The following PCDH11Y variants were observed in gnomAD, a reference collection of about 807,000 sequenced individuals.
The protein encoded by PCDH11Y is protocadherin-11 Y-linked.
For synonymous variants in PCDH11Y, 9 were observed against 83.6 expected (o/e 0.11, Z 4.87); for missense variants, 12 against 224.8 (o/e 0.05, Z 6.05).
chrY:5,011,769 T>G, intron 1 of PCDH11Y, among the ~76,000 whole-genome samples: 1 of 32,831 alleles, frequency 3.0e-5, no homozygotes, highest in Non-Finnish European at 7.4e-5. Context: ...TTTCTTTATG[T>G]GCAGCTCAGA....
At chrY:5,350,179 T>C in intron 2 of PCDH11Y, among the ~76,000 whole-genome samples, 1 of 33,345 alleles carries the variant, frequency 3.0e-5, no homozygotes, top group Non-Finnish European at 7.4e-5. Context: ...AGGATGTTAC[T>C]AATATTTATA....
At chrY:5,485,298 G>C (rs2053330706) in intron 2 of PCDH11Y, among the ~76,000 whole-genome samples, 2 of 33,248 alleles carry the variant, frequency 6.0e-5, no homozygotes, top group Non-Finnish European at 1.5e-4. Context: ...AAGATAATTA[G>C]ATTTGATCCT....
At chrY:5,333,694 G>C in intron 2 of PCDH11Y, among the ~76,000 whole-genome samples, 1 of 32,834 alleles carries the variant, frequency 3.0e-5, no homozygotes, top group Non-Finnish European at 7.4e-5. Context: ...CCTGAGACCA[G>C]CCTGGCTAAC....
intron 4 of PCDH11Y, among the ~76,000 whole-genome samples, chrY:5,701,559 G>C (rs2124712010): frequency 3.0e-5 from 1 of 33,021 alleles, no homozygotes; most frequent in South Asian, 7.0e-4. Flanking sequence ...TGAGGTTTTG[G>C]AACCTCCACC....
intron 3 of PCDH11Y, among the ~76,000 whole-genome samples, chrY:5,562,996 T>C: frequency 6.2e-5 from 2 of 32,279 alleles, no homozygotes; most frequent in Non-Finnish European, 1.5e-4. Context: ...TTTATAATAA[T>C]ATACAAAAAT....
rs1225681037 is a variant in PCDH11Y, at chrY:5,050,114, T to C, written c.33-6775T>C. ...GCAGTTGATAAACCAAGTCTTAAGA[T>C]TGGTTTTAAAAGGTTGCTATGTCAT... On this transcript the variant is annotated intron_variant, in intron 3 of 5. Transcript: ENST00000333703. 5.4e-4 allele frequency among the ~76,000 whole-genome samples: 18 copies of C among 33,272 alleles called. No homozygotes were observed. The East Asian group carries it at 0.012, about 22-fold the overall frequency. The allele number at this position is 33,272 out of a possible 37,273, so 89.3% of individuals were successfully genotyped here. A position where few individuals can be genotyped will look rare whatever the true frequency, so the allele number is the denominator to read the frequency against.
intron 2 of PCDH11Y, among the ~76,000 whole-genome samples, chrY:5,341,562 T>C: frequency 6.1e-5 from 2 of 32,854 alleles, no homozygotes; most frequent in African/African-American, 1.2e-4. Flanking sequence ...AACATGTTTT[T>C]CTATAAAATG....
At chrY:5,117,142 A>T in intron 2 of PCDH11Y, among the ~76,000 whole-genome samples, 1 of 32,732 alleles carries the variant, frequency 3.1e-5, no homozygotes, top group Non-Finnish European at 7.5e-5. Context: ...TTAATCCAAT[A>T]AGAGAAAAAA....
intron 2 of PCDH11Y, among the ~76,000 whole-genome samples, chrY:5,340,405 A>G: frequency 3.4e-4 from 10 of 29,603 alleles, no homozygotes; most frequent in African/African-American, 1.3e-3. Flanking sequence ...TCCTCTGGCA[A>G]CACCCTCACA....
chrY:5,632,011 A>G (rs2053512691), intron 4 of PCDH11Y, among the ~76,000 whole-genome samples: 2 of 33,068 alleles, frequency 6.0e-5, no homozygotes, highest in African/African-American at 1.2e-4. Context: ...ATTATTAGCT[A>G]TATGGTCATG....
At chrY:5,634,086 C>A (rs1602954650) in intron 4 of PCDH11Y, among the ~76,000 whole-genome samples, 1 of 27,885 alleles carries the variant, frequency 3.6e-5, no homozygotes, top group Non-Finnish European at 8.4e-5. Flanking sequence ...TCGTGGCGGG[C>A]GCCTGTAGTC....
Position 5,571,917 on chromosome Y carries a change from AC to A in PCDH11Y, c.3329-9855del, listed in dbSNP as rs2124696275. Among the ~76,000 whole-genome samples the A allele has an allele frequency of 2.0e-4, 6 of 29,550 alleles. No homozygotes were observed. In the East Asian group the frequency reaches 5.3e-3, roughly 26 times the overall value. The allele number at this position is 29,550 out of a possible 37,273, so 79.3% of individuals were successfully genotyped here. A position where few individuals can be genotyped will look rare whatever the true frequency, so the allele number is the denominator to read the frequency against. On this transcript the variant is annotated intron_variant, in intron 3 of 4. Coordinates refer to the PCDH11Y transcript ENST00000400457. ...CAACAAAATACTGTTAACTAGAGTCACCCTATTGTGCCACCAAATACTAGAT... is the reference window on the plus strand; with the variant it reads ...CAACAAAATACTGTTAACTAGAGTCACCTATTGTGCCACCAAATACTAGAT...
At chrY:5,351,917 A>T in intron 2 of PCDH11Y, among the ~76,000 whole-genome samples, 1 of 30,532 alleles carries the variant, frequency 3.3e-5, no homozygotes, top group Non-Finnish European at 7.8e-5. Context: ...CAAAAATTTG[A>T]ATACCCCAAT....
At chrY:5,642,717 TAGTGCTATTGCAGTCTTAACTG>T in intron 4 of PCDH11Y, among the ~76,000 whole-genome samples, 1 of 33,398 alleles carries the variant, frequency 3.0e-5, no homozygotes, top group Non-Finnish European at 7.4e-5. Flanking sequence ...TGACATTAAC[TAGTGCTATTGCAGTCTTAACTG>T]AAGGTCACAG....
chrY:5,220,480 C>T (rs2052952173), intron 2 of PCDH11Y, among the ~76,000 whole-genome samples: 1 of 15,970 alleles, frequency 6.3e-5, no homozygotes. Flanking sequence ...AGTGCAGTGG[C>T]GCGATCTTGG....
intron 2 of PCDH11Y, among the ~76,000 whole-genome samples, chrY:5,317,668 G>A: frequency 9.2e-5 from 3 of 32,436 alleles, no homozygotes; most frequent in African/African-American, 2.4e-4. Flanking sequence ...GTTTCCTGAC[G>A]CCTCCCCAGA....
intron 2 of PCDH11Y, among the ~76,000 whole-genome samples, chrY:5,324,808 G>C: frequency 3.0e-5 from 1 of 32,881 alleles, no homozygotes; most frequent in Admixed American, 2.8e-4. Context: ...CCTGTGAAGA[G>C]ACCACCAAAC....
intron 2 of PCDH11Y, among the ~76,000 whole-genome samples, chrY:5,399,688 TG>T: frequency 3.3e-5 from 1 of 30,258 alleles, no homozygotes; most frequent in Non-Finnish European, 7.8e-5. Context: ...TTAGTAGAGA[TG>T]GGGTTTCTCC....
At chrY:5,274,502 C>T in intron 2 of PCDH11Y, among the ~76,000 whole-genome samples, 1 of 33,068 alleles carries the variant, frequency 3.0e-5, no homozygotes, top group Admixed American at 2.8e-4. Flanking sequence ...CACCACAATG[C>T]TGGGCTAATT....
Sources: gnomAD v4.1 joint callset for allele counts (sites outside exome capture counted in the v4.1 genomes callset) on GRCh38, gnomAD v4.1.1 for gene constraint, MANE v1.5 for transcripts, NCBI Gene and HGNC (gene_info 2026-07-23, HGNC 2026-07-21) for gene names.